Variants in ARMH4 observed in about 807,000 individuals in gnomAD.
ARMH4 encodes armadillo like helical domain containing 4.
ARMH4 carries 49 observed loss-of-function variants against 61.9 expected under a neutral mutation model. The observed-to-expected ratio is 0.79, with a 90% CI of 0.63 to 1.00. ARMH4 has a LOEUF of 1.00. Among genes scored for constraint, ARMH4 ranks in the 50% least tolerant of loss-of-function variants. The probability of loss-of-function intolerance (pLI) is 0.00; values close to 1 mark genes in which losing one functional copy is unlikely to be tolerated. For synonymous variants in ARMH4, 368 were observed against 341.5 expected (o/e 1.08, Z -0.85); for missense variants, 934 against 930.0 (o/e 1.00, Z -0.06).
intron 5 of ARMH4, among the ~76,000 whole-genome samples, chr14:58,032,991 G>A (rs1883317155): frequency 7.2e-6 from 1 of 139,520 alleles, no homozygotes; most frequent in Non-Finnish European, 1.6e-5. Flanking sequence ...GCCCGCCATT[G>A]CCCAGGCTTG....
chr14:58,095,923 A>G (rs1885733070), intron 5 of ARMH4, among the ~76,000 whole-genome samples: 1 of 152,124 alleles, frequency 6.6e-6, no homozygotes, highest in South Asian at 2.1e-4. Context: ...TTCCTTGGAG[A>G]AGAGATTAAT....
chr14:58,151,951 C>A (rs1389552340), intron 1 of ARMH4, 124 bp downstream of exon 1: 1 of 152,378 alleles, frequency 6.6e-6, no homozygotes, highest in African/African-American at 2.4e-5. Flanking sequence ...AGGGCTGCAA[C>A]GCTCCCGGGA....
intron 3 of ARMH4, 101 bp from the exon 4 acceptor site, chr14:58,131,822 T>A: frequency 8.9e-7 from 1 of 1,123,250 alleles, no homozygotes. Flanking sequence ...TAAACCAATA[T>A]CATACAATAC....
Position 58,131,569 on chromosome 14 carries a change from A to G in ARMH4, c.1774T>C (p.Ser592Pro). ...GCAGCTGTATTAACACGAGTAATAG[A>G]TGGAACAACAGTTCTTCTCTCAGAG... ...ASSERRTVVP[S>P]ITRVNTAASY... Residue 592 changes from serine (S) to proline (P), a missense_variant, in exon 4 of 8, where the codon TCT becomes CCT. Coordinates refer to ENST00000267485, the MANE Select transcript of ARMH4 (RefSeq NM_001001872.4). 6.2e-7 allele frequency: 1 copy of G among 1,614,232 alleles called. No homozygotes were observed. Among genetic ancestry groups the G allele is most frequent in the Middle Eastern group, 1.6e-4 (1 of 6,062 alleles).
chr14:58,114,151 T>A (rs1278200754), intron 4 of ARMH4, among the ~76,000 whole-genome samples: 2 of 152,170 alleles, frequency 1.3e-5, no homozygotes, highest in African/African-American at 4.8e-5. Flanking sequence ...GGGAAACCTA[T>A]GGGACTCTAT....
At chr14:58,045,397 G>A (rs969572133) in intron 5 of ARMH4, among the ~76,000 whole-genome samples, 1 of 152,150 alleles carries the variant, frequency 6.6e-6, no homozygotes, top group African/African-American at 2.4e-5. Context: ...TCACTCATAG[G>A]TGGGAATTGA....
chr14:58,048,129 G>A (rs536123787), intron 5 of ARMH4, among the ~76,000 whole-genome samples: 26 of 152,254 alleles, frequency 1.7e-4, no homozygotes, highest in African/African-American at 6.3e-4. Flanking sequence ...CATACATGTT[G>A]CCCAAAAGGA....
At chr14:58,118,540 C>T (rs1886611262) in intron 4 of ARMH4, among the ~76,000 whole-genome samples, 1 of 151,658 alleles carries the variant, frequency 6.6e-6, no homozygotes. Flanking sequence ...GAAGTTTACC[C>T]TTTACATAGG....
At chr14:58,032,927 A>G (rs539190721) in intron 5 of ARMH4, among the ~76,000 whole-genome samples, 363 of 151,038 alleles carry the variant, frequency 2.4e-3, no homozygotes, top group African/African-American at 8.3e-3. Flanking sequence ...GCTGATTGCT[A>G]GCACAGCAGT....
In ARMH4 at chr14:58,131,708, T is replaced by C. The variant is rs1887113777; in HGVS notation, c.1635A>G (p.Thr545=). ...VTPTVEEQMD[T]VTGPNEEFTP... Reference sequence around the variant, plus strand: ...TGAACTCCTCATTTGGCCCTGTGACTGTGTCCATTTGTTCTGCCAAACACA... The same window carrying C: ...TGAACTCCTCATTTGGCCCTGTGACCGTGTCCATTTGTTCTGCCAAACACA... Residue 545 remains threonine (T), a synonymous_variant, in exon 4 of 8, where the codon ACA becomes ACG. Transcript: ENST00000267485. 2 of 1,612,786 alleles carry C rather than the reference T, an allele frequency of 1.2e-6. No individual in the cohort carries two copies. The highest frequency in any genetic ancestry group is 2.7e-5 in the African/African-American group (2 of 75,024).
intron 1 of ARMH4, among the ~76,000 whole-genome samples, chr14:58,144,892 T>C (rs954888286): frequency 1.3e-5 from 2 of 151,732 alleles, no homozygotes; most frequent in South Asian, 2.1e-4. Context: ...AAAAAAAATA[T>C]GATAGCTGTG....
chr14:58,141,872 T>C (rs1441595672), intron 1 of ARMH4, among the ~76,000 whole-genome samples: 1 of 152,222 alleles, frequency 6.6e-6, no homozygotes, highest in Non-Finnish European at 1.5e-5. Flanking sequence ...AGAAAAGGTT[T>C]AAGAGTTAAG....
At chr14:58,111,358 A>C (rs1374686343) in intron 4 of ARMH4, among the ~76,000 whole-genome samples, 1 of 152,244 alleles carries the variant, frequency 6.6e-6, no homozygotes, top group Non-Finnish European at 1.5e-5. Flanking sequence ...ATGCAGAAAA[A>C]GCATTTGATA....
At chr14:58,122,801 T>A (rs1263770848) in intron 4 of ARMH4, among the ~76,000 whole-genome samples, 1 of 152,134 alleles carries the variant, frequency 6.6e-6, no homozygotes, top group African/African-American at 2.4e-5. Context: ...TCCATGCCCC[T>A]TATGTTGAGG....
At position 58,091,656 on chromosome 14, in the gene ARMH4, T is replaced by C. The variant is rs142377427; in HGVS notation, c.2089+5068A>G. Among the ~76,000 whole-genome samples, 5 of 152,336 alleles carry C rather than the reference T, an allele frequency of 3.3e-5. No individual in the cohort carries two copies. In the East Asian group the frequency reaches 9.6e-4, roughly 29 times the overall value. ...GATTTTTACACTTTAAAGATGATAA[T>C]TGTGTGATTTATTATAGCAACAGGA... On this transcript the variant is annotated intron_variant, in intron 5 of 7. Coordinates refer to ENST00000267485, the MANE Select transcript of ARMH4 (RefSeq NM_001001872.4).
chr14:58,067,002 C>A (rs1408657947), intron 5 of ARMH4, among the ~76,000 whole-genome samples: 1 of 152,098 alleles, frequency 6.6e-6, no homozygotes, highest in Non-Finnish European at 1.5e-5. Flanking sequence ...AATATAATGT[C>A]AACTAGGGAA....
At chr14:58,045,757 C>T (rs1883915858) in intron 5 of ARMH4, among the ~76,000 whole-genome samples, 1 of 152,062 alleles carries the variant, frequency 6.6e-6, no homozygotes, top group Non-Finnish European at 1.5e-5. Context: ...TGAGGTCATA[C>T]TGGAGTAGGA....
intron 1 of ARMH4, among the ~76,000 whole-genome samples, chr14:58,142,382 C>T (rs1396243817): frequency 6.6e-6 from 1 of 152,126 alleles, no homozygotes; most frequent in African/African-American, 2.4e-5. Context: ...AGGTAAAGTC[C>T]TCAGGACATG....
chr14:58,026,158 C>T (rs1205790396), intron 5 of ARMH4, among the ~76,000 whole-genome samples: 4 of 152,024 alleles, frequency 2.6e-5, no homozygotes, highest in Non-Finnish European at 4.4e-5. Flanking sequence ...GATGAGAAGG[C>T]TGTCATGAAC....
Sources: gnomAD v4.1 joint callset for allele counts (sites outside exome capture counted in the v4.1 genomes callset) on GRCh38, gnomAD v4.1.1 for gene constraint, MANE v1.5 for transcripts, NCBI Gene and HGNC (gene_info 2026-07-23, HGNC 2026-07-21) for gene names.